Variants in HPD observed in about 807,000 individuals in gnomAD.
HPD encodes the protein 4-hydroxyphenylpyruvate dioxygenase, also known as 4-hydroxyphenylpyruvic acid oxidase.
Under a neutral mutation model 56.9 loss-of-function variants are expected in HPD, and 35 were observed. The observed-to-expected ratio is 0.62, with a 90% CI of 0.47 to 0.82. The LOEUF is 0.82. Among genes scored for constraint, HPD ranks in the 40% least tolerant of loss-of-function variants. The pLI is 0.00. For missense variants in HPD, 442 were observed against 506.8 expected (o/e 0.87, Z 1.23); for synonymous variants, 186 against 200.2 (o/e 0.93, Z 0.60).
At chr12:121,864,378 C>T (rs1057147839), upstream of HPD, among the ~76,000 whole-genome samples, 2 of 151,034 alleles carry the variant, frequency 1.3e-5, no homozygotes, top group African/African-American at 4.9e-5. Context: ...CCTAGTGAGA[C>T]CCTGTCTCTA....
At chr12:121,869,297 C>T in the HPD span, among the ~76,000 whole-genome samples, 3 of 149,862 alleles carry the variant, frequency 2.0e-5, no homozygotes, top group African/African-American at 7.4e-5. Flanking sequence ...TTGCAGTGAG[C>T]CAGGATCGCG....
intron 7 of HPD, among the ~76,000 whole-genome samples, chr12:121,851,030 A>G (rs968800673): frequency 3.3e-5 from 5 of 151,360 alleles, no homozygotes; most frequent in African/African-American, 9.7e-5. Context: ...CGTCCAGCCA[A>G]TTTTGTATTT....
the HPD span, among the ~76,000 whole-genome samples, chr12:121,882,104 T>C: frequency 6.6e-6 from 1 of 151,894 alleles, no homozygotes; most frequent in Non-Finnish European, 1.5e-5. Flanking sequence ...AATTTACAAT[T>C]CTTAAAAACT....
chr12:121,860,026 T>A (rs1878135311), upstream of HPD, among the ~76,000 whole-genome samples: 1 of 152,118 alleles, frequency 6.6e-6, no homozygotes, highest in African/African-American at 2.4e-5. Flanking sequence ...GGCACGGTGG[T>A]GCACGTCTGT....
the HPD span, among the ~76,000 whole-genome samples, chr12:121,879,291 ATAAT>A: frequency 6.6e-6 from 1 of 151,882 alleles, no homozygotes; most frequent in Non-Finnish European, 1.5e-5. Context: ...AAATAAATAA[ATAAT>A]TAATTAAAAA....
chr12:121,859,383 G>A (rs1364737319), upstream of HPD, among the ~76,000 whole-genome samples: 1 of 152,148 alleles, frequency 6.6e-6, no homozygotes, highest in Non-Finnish European at 1.5e-5. Flanking sequence ...AGAATAGTGT[G>A]GTGGGGATTA....
At chr12:121,871,482 C>G in the HPD span, among the ~76,000 whole-genome samples, 1 of 152,194 alleles carries the variant, frequency 6.6e-6, no homozygotes, top group African/African-American at 2.4e-5. Context: ...AGGCAGAAGT[C>G]CATGGACAGA....
intron 11 of HPD, among the ~76,000 whole-genome samples, 162 bp downstream of exon 11, chr12:121,846,700 C>T (rs1287693298): frequency 1.3e-5 from 2 of 152,258 alleles, no homozygotes; most frequent in Non-Finnish European, 2.9e-5. Context: ...GTGGGTGTGG[C>T]TGTGCCTGCC....
chr12:121,887,317 A>G, the HPD span, among the ~76,000 whole-genome samples: 2 of 151,396 alleles, frequency 1.3e-5, no homozygotes, highest in Non-Finnish European at 2.9e-5. Flanking sequence ...CTCCCAGCAT[A>G]ATGGGACTAC....
chr12:121,849,818 C>T (rs1415289487), intron 7 of HPD, 28 bp from the exon 8 acceptor site: 2 of 1,464,978 alleles, frequency 1.4e-6, no homozygotes, highest in African/African-American at 1.4e-5. Context: ...CCTGGCTCGG[C>T]CCCTGGGCAC....
intron 11 of HPD, among the ~76,000 whole-genome samples, chr12:121,844,930 A>G (rs1184265834): frequency 1.3e-5 from 2 of 151,538 alleles, no homozygotes; most frequent in Non-Finnish European, 2.9e-5. Context: ...AAAATACAAA[A>G]AAAGTTATCC....
intron 7 of HPD, among the ~76,000 whole-genome samples, chr12:121,852,105 T>C (rs1470477969): frequency 6.6e-6 from 1 of 152,136 alleles, no homozygotes; most frequent in Non-Finnish European, 1.5e-5. Flanking sequence ...CTGCAGCCTC[T>C]ACCTCCTGGA....
the HPD span, among the ~76,000 whole-genome samples, chr12:121,876,504 T>A: frequency 6.6e-6 from 1 of 152,030 alleles, no homozygotes; most frequent in Non-Finnish European, 1.5e-5. Context: ...ATCAAAGGGC[T>A]TTTCCTTCCT....
chr12:121,854,265 A>AT (rs1566572986), intron 7 of HPD, among the ~76,000 whole-genome samples: 3 of 152,248 alleles, frequency 2.0e-5, no homozygotes, highest in Admixed American at 6.5e-5. Flanking sequence ...TTAAAAAAAA[A>AT]TTTTTTTGAG....
upstream of HPD, among the ~76,000 whole-genome samples, chr12:121,866,057 G>T (rs1454007686): frequency 6.6e-6 from 1 of 152,024 alleles, no homozygotes; most frequent in Non-Finnish European, 1.5e-5. Context: ...TAGCACTTTG[G>T]GAGGCCGAGG....
Position 121,846,873 on chromosome 12 carries a change from T to C in HPD, c.820A>G (p.Ile274Val), listed in dbSNP as rs974374228. ...VQHIALKTED[I>V]ITAIRHLRER... ...AAGGGGGTTCTAACCGCTGTGATGA[T>C]GTCTTCGGTCTTGAGAGCGATGTGC... The change falls in exon 11 of 14, where the codon ATC (isoleucine) becomes GTC (valine). Residue 274 changes from isoleucine to valine, a missense_variant. Physicochemically the swap from Ile to Val is conservative, Grantham distance 29. Coordinates refer to ENST00000289004, the MANE Select transcript of HPD (RefSeq NM_002150.3). 7 of 1,613,974 alleles carry C rather than the reference T, an allele frequency of 4.3e-6. No homozygotes were observed. In the African/African-American group the frequency reaches 8.0e-5, roughly 18 times the overall value.
the HPD span, among the ~76,000 whole-genome samples, chr12:121,879,771 C>T: frequency 6.6e-6 from 1 of 152,114 alleles, no homozygotes; most frequent in African/African-American, 2.4e-5. Context: ...AATTTTTTTA[C>T]ATATACTTTG....
upstream of HPD, among the ~76,000 whole-genome samples, chr12:121,868,335 TTTTTG>T (rs965688109): frequency 1.3e-5 from 2 of 152,028 alleles, no homozygotes; most frequent in African/African-American, 4.8e-5. Context: ...TCCTCATCTT[TTTTTG>T]TTTTGTTTTG....
chr12:121,854,066 G>A (rs546056774), intron 7 of HPD, among the ~76,000 whole-genome samples: 9 of 152,276 alleles, frequency 5.9e-5, no homozygotes, highest in African/African-American at 2.2e-4. Context: ...TGGCTAACAC[G>A]GTGAAACCCC....
Sources: gnomAD v4.1 joint callset for allele counts (sites outside exome capture counted in the v4.1 genomes callset) on GRCh38, gnomAD v4.1.1 for gene constraint, MANE v1.5 for transcripts, NCBI Gene and HGNC (gene_info 2026-07-23, HGNC 2026-07-21) for gene names.